The following TENM1 variants were observed in gnomAD, a reference collection of about 807,000 sequenced individuals.
TENM1 encodes teneurin transmembrane protein 1.
TENM1 carries 35 observed loss-of-function variants against 174.8 expected under a neutral mutation model. That is an observed-to-expected ratio of 0.20 (90% CI 0.15 to 0.27). The LOEUF (loss-of-function observed/expected upper bound fraction) is 0.27, where lower values mean the gene tolerates loss of function less well. Ranked by LOEUF, TENM1 falls within the 10% of genes least tolerant of loss-of-function variation. The pLI is 1.00. For synonymous variants in TENM1, 781 were observed against 798.7 expected (o/e 0.98, Z 0.37); for missense variants, 1,633 against 2,130.1 (o/e 0.77, Z 4.59).
chrX:124,927,310 T>G (rs977892230), intron 1 of TENM1, among the ~76,000 whole-genome samples: 1 of 111,449 alleles, frequency 9.0e-6, no homozygotes, highest in Non-Finnish European at 1.9e-5. Flanking sequence ...AGCCAAGACT[T>G]CTGTATTTTA....
intron 11 of TENM1, among the ~76,000 whole-genome samples, chrX:124,583,833 G>C (rs1348151190): frequency 1.6e-5 from 1 of 63,927 alleles, no homozygotes; most frequent in African/African-American, 6.0e-5. Flanking sequence ...ATACAGAGAA[G>C]TGCTTAAAGG....
chrX:124,869,211 C>T (rs764222727), intron 3 of TENM1, among the ~76,000 whole-genome samples: 31 of 109,952 alleles, frequency 2.8e-4, no homozygotes, highest in African/African-American at 9.9e-4. Context: ...CCAGCCTGGG[C>T]CACAGAGCGA....
At chrX:124,615,096 A>G (rs1452239143) in intron 11 of TENM1, among the ~76,000 whole-genome samples, 1 of 112,237 alleles carries the variant, frequency 8.9e-6, no homozygotes, top group Non-Finnish European at 1.9e-5. Flanking sequence ...AAGACGGCAA[A>G]GTGTTTTGAT....
chrX:124,587,690 G>A (rs1005328181), intron 11 of TENM1, among the ~76,000 whole-genome samples: 8 of 111,094 alleles, frequency 7.2e-5, no homozygotes, highest in African/African-American at 2.6e-4. Context: ...TTGACAAATG[G>A]GATCTAATTA....
chrX:124,976,356 G>T, the TENM1 span, among the ~76,000 whole-genome samples: 3 of 111,207 alleles, frequency 2.7e-5, no homozygotes, highest in Non-Finnish European at 5.7e-5. Flanking sequence ...ATTTAAATCC[G>T]AAAGTTCTGG....
chrX:124,673,935 A>G (rs1310545853), intron 5 of TENM1, among the ~76,000 whole-genome samples: 1 of 111,345 alleles, frequency 9.0e-6, no homozygotes, highest in Non-Finnish European at 1.9e-5. Flanking sequence ...ACTTGCTACA[A>G]ATAGTTGGTA....
At chrX:124,658,329 AAAAG>A (rs1261894291) in intron 6 of TENM1, among the ~76,000 whole-genome samples, 93 of 112,249 alleles carry the variant, frequency 8.3e-4, no homozygotes, top group African/African-American at 2.7e-3. Context: ...AGAGAAAAAG[AAAAG>A]AATAAACCTT....
chrX:124,801,932 G>C (rs905500301), intron 3 of TENM1, among the ~76,000 whole-genome samples: 5 of 111,748 alleles, frequency 4.5e-5, no homozygotes, highest in African/African-American at 1.6e-4. Flanking sequence ...CTTCTGGCTT[G>C]TATGGTTTCT....
chrX:124,963,715 T>C (rs143307335), exon 1 of TENM1: 21,875 of 1,209,934 alleles, frequency 0.018, 149 homozygotes, highest in Middle Eastern at 0.026. Context: ...GCTTGACTTT[T>C]GGTAGAGGCT....
intron 11 of TENM1, among the ~76,000 whole-genome samples, chrX:124,568,307 C>T (rs1051646189): frequency 9.0e-6 from 1 of 111,041 alleles, no homozygotes; most frequent in African/African-American, 3.3e-5. Context: ...TGGAGTTGGA[C>T]TAAATCTCCA....
chrX:125,083,013 C>T, the TENM1 span, among the ~76,000 whole-genome samples: 1 of 111,150 alleles, frequency 9.0e-6, no homozygotes, highest in Admixed American at 9.6e-5. Context: ...GATTACAATG[C>T]AAATTCCATG....
chrX:125,156,889 G>A, the TENM1 span, among the ~76,000 whole-genome samples: 1 of 112,661 alleles, frequency 8.9e-6, no homozygotes, highest in East Asian at 2.8e-4. Flanking sequence ...GAGTCTAAAT[G>A]TTCAGCTCTC....
chrX:124,777,181 T>G (rs1476199525), intron 3 of TENM1, among the ~76,000 whole-genome samples: 1 of 111,663 alleles, frequency 9.0e-6, no homozygotes, highest in African/African-American at 3.2e-5. Flanking sequence ...TAAATAAAAC[T>G]CCTGTATACT....
intron 20 of TENM1, among the ~76,000 whole-genome samples, chrX:124,489,433 C>T (rs1008303315): frequency 4.5e-5 from 5 of 111,647 alleles, no homozygotes; most frequent in African/African-American, 1.6e-4. Context: ...GTTTCCAGTA[C>T]ATTCAGAGAG....
At chrX:124,925,574 T>C (rs985015480) in intron 1 of TENM1, among the ~76,000 whole-genome samples, 4 of 112,293 alleles carry the variant, frequency 3.6e-5, no homozygotes, top group Non-Finnish European at 7.5e-5. Context: ...AGTAAAGAAA[T>C]TAATGTGCAA....
At chrX:124,503,364 A>G (rs2047374288) in intron 19 of TENM1, among the ~76,000 whole-genome samples, 196 bp downstream of exon 22, 1 of 111,518 alleles carries the variant, frequency 9.0e-6, no homozygotes, top group Admixed American at 9.6e-5. Context: ...AAGAAGGGAT[A>G]GATTAAGATG....
chrX:124,628,832 A>T (rs2050696249), intron 11 of TENM1, among the ~76,000 whole-genome samples: 1 of 111,901 alleles, frequency 8.9e-6, no homozygotes, highest in Non-Finnish European at 1.9e-5. Flanking sequence ...TCGATCAATA[A>T]AATGTAAGTG....
At chrX:124,390,587 C>G (rs2060272270) in intron 28 of TENM1, among the ~76,000 whole-genome samples, 2 of 112,173 alleles carry the variant, frequency 1.8e-5, no homozygotes, top group Non-Finnish European at 3.8e-5. Flanking sequence ...GTGCTGGCTA[C>G]TTAACTAGTC....
chrX:124,508,874 G>T (rs2047512584), intron 18 of TENM1, among the ~76,000 whole-genome samples: 1 of 111,441 alleles, frequency 9.0e-6, no homozygotes, highest in Non-Finnish European at 1.9e-5. Flanking sequence ...ATATAGGCAA[G>T]GCTAAGGGAT....
Sources: allele counts gnomAD v4.1 joint callset (sites outside exome capture counted in the v4.1 genomes callset), GRCh38; gene constraint gnomAD v4.1.1; transcripts MANE v1.5; gene names NCBI Gene and HGNC (gene_info 2026-07-23, HGNC 2026-07-21).